MYO3A: variants seen among roughly 807,000 people sequenced by gnomAD.
The protein encoded by MYO3A is myosin-IIIa.
In MYO3A, 180 loss-of-function variants were observed where a neutral mutation model predicts 192.7. The observed-to-expected ratio is 0.93, with a 90% confidence interval of 0.83 to 1.06. MYO3A has a LOEUF of 1.06. Among genes scored for constraint, MYO3A ranks in the 50% least tolerant of loss-of-function variants. MYO3A has a pLI of 0.00. For synonymous variants in MYO3A, 628 were observed against 645.3 expected (o/e 0.97, Z 0.41); for missense variants, 1,896 against 1,905.0 (o/e 1.00, Z 0.09).
intron 10 of MYO3A, among the ~76,000 whole-genome samples, chr10:26,040,660 G>A (rs1033073658): frequency 2.0e-5 from 3 of 151,976 alleles, no homozygotes; most frequent in African/African-American, 7.2e-5. Flanking sequence ...GTATTCTTGG[G>A]GTAAATGGGA....
intron 23 of MYO3A, among the ~76,000 whole-genome samples, chr10:26,151,747 C>T (rs1232690473): frequency 6.6e-6 from 1 of 152,142 alleles, no homozygotes; most frequent in South Asian, 2.1e-4. Context: ...CTTATTTTCC[C>T]AGGCTTTACC....
intron 17 of MYO3A, among the ~76,000 whole-genome samples, chr10:26,107,219 C>T (rs1439260503): frequency 5.3e-5 from 8 of 152,200 alleles, no homozygotes; most frequent in Non-Finnish European, 1.0e-4. Context: ...CAGTGGCTCA[C>T]GCCTGTAATC....
At chr10:26,044,900 C>T (rs1335114693) in intron 10 of MYO3A, among the ~76,000 whole-genome samples, 1 of 152,198 alleles carries the variant, frequency 6.6e-6, no homozygotes, top group Non-Finnish European at 1.5e-5. Context: ...CAAACAGATC[C>T]ATCTATTTGA....
At chr10:26,062,291 T>C (rs35616188) in intron 10 of MYO3A, among the ~76,000 whole-genome samples, 70,972 of 150,624 alleles carry the variant, frequency 0.47, 17,583 homozygotes, top group Middle Eastern at 0.59. Flanking sequence ...GAGGCTGAGG[T>C]GGGCAGATCA....
chr10:26,161,907 TCA>T (rs1841503167), intron 26 of MYO3A, among the ~76,000 whole-genome samples: 3 of 152,174 alleles, frequency 2.0e-5, no homozygotes, highest in African/African-American at 7.2e-5. Context: ...CATTATACAT[TCA>T]GCAAACGTTT....
rs564325448 is a variant in MYO3A at position 26,107,873 on chromosome 10, A to G, written c.1776+11191A>G. 2.6e-4 allele frequency among the ~76,000 whole-genome samples: 40 copies of G among 152,064 alleles called. 1 individual carries two copies. Among genetic ancestry groups the G allele is most frequent in the African/African-American group, 8.9e-4 (37 of 41,534 alleles). On this transcript the variant is annotated intron_variant, in intron 17 of 34. Transcript: ENST00000642920. ...ATTTACCCATCCGATAAATGTTTTC[A>G]TTGTCTGTATTATTGGTTTTAATTT...
At chr10:26,073,470 G>A (rs1280370749) in intron 14 of MYO3A, among the ~76,000 whole-genome samples, 2 of 151,892 alleles carry the variant, frequency 1.3e-5, no homozygotes, top group African/African-American at 4.8e-5. Context: ...TTGGGTGGCT[G>A]AGGCAGGAGA....
chr10:26,165,579 G>A (rs904001426), intron 26 of MYO3A, among the ~76,000 whole-genome samples: 3 of 152,112 alleles, frequency 2.0e-5, no homozygotes, highest in Non-Finnish European at 2.9e-5. Context: ...TGTCCCTCAA[G>A]GAAAAACAAT....
At chr10:25,941,679 A>G (rs1836496952) in intron 2 of MYO3A, among the ~76,000 whole-genome samples, 1 of 152,178 alleles carries the variant, frequency 6.6e-6, no homozygotes, top group Non-Finnish European at 1.5e-5. Context: ...GTACAGTCAC[A>G]TTGTTGCCCA....
chr10:26,029,439 C>T (rs1361007159), intron 10 of MYO3A, among the ~76,000 whole-genome samples: 1 of 152,174 alleles, frequency 6.6e-6, no homozygotes, highest in African/African-American at 2.4e-5. Context: ...TCATGTTTGT[C>T]ACCCATTTAT....
intron 7 of MYO3A, among the ~76,000 whole-genome samples, chr10:26,020,460 A>G (rs553910036): frequency 7.6e-4 from 116 of 152,304 alleles, no homozygotes; most frequent in African/African-American, 2.8e-3. Flanking sequence ...AAATGTGTTA[A>G]GCCTGATGTT....
At chr10:26,163,203 A>C (rs2131974145) in intron 26 of MYO3A, among the ~76,000 whole-genome samples, 1 of 152,356 alleles carries the variant, frequency 6.6e-6, no homozygotes, top group South Asian at 2.1e-4. Flanking sequence ...GCTTTTTGGC[A>C]GGTGTAACCT....
chr10:25,940,434 G>A (rs186113311), intron 2 of MYO3A, among the ~76,000 whole-genome samples: 2 of 152,038 alleles, frequency 1.3e-5, no homozygotes, highest in East Asian at 3.9e-4. Context: ...TATGAGGAAC[G>A]TAGAACATTT....
chr10:25,991,702 GA>G, intron 4 of MYO3A, among the ~76,000 whole-genome samples: 1 of 152,282 alleles, frequency 6.6e-6, no homozygotes, highest in African/African-American at 2.4e-5. Flanking sequence ...AAGGTGTAAG[GA>G]AGGGATCCAG....
chr10:26,073,342 C>T (rs66657341), intron 14 of MYO3A, among the ~76,000 whole-genome samples: 72,184 of 151,870 alleles, frequency 0.48, 17,948 homozygotes, highest in Middle Eastern at 0.59. Context: ...GAGGCCAAGG[C>T]GGGTGGATCA....
At chr10:25,969,550 T>G (rs1838486525) in intron 4 of MYO3A, among the ~76,000 whole-genome samples, 1 of 152,064 alleles carries the variant, frequency 6.6e-6, no homozygotes, top group African/African-American at 2.4e-5. Flanking sequence ...TTGTAAACCC[T>G]AAAGCAACTG....
At chr10:26,063,119 G>C (rs4998840) in intron 10 of MYO3A, among the ~76,000 whole-genome samples, 143 of 151,786 alleles carry the variant, frequency 9.4e-4, no homozygotes, top group African/African-American at 3.4e-3. Flanking sequence ...AATCTTTCAT[G>C]TGTGAGTTCT....
At chr10:26,045,366 T>TTAGATAGATAGATGGATAGATAGATAGA (rs1302019473) in intron 10 of MYO3A, among the ~76,000 whole-genome samples, 1 of 142,600 alleles carries the variant, frequency 7.0e-6, no homozygotes, top group Non-Finnish European at 1.6e-5. Context: ...ATGGGTGGCA[T>TTAGATAGATAGATGGATAGATAGATAGA]TAGATAGATA....
chr10:26,063,187 G>T (rs1834616746), intron 10 of MYO3A, among the ~76,000 whole-genome samples: 1 of 152,204 alleles, frequency 6.6e-6, no homozygotes, highest in South Asian at 2.1e-4. Context: ...GCTGGATCTA[G>T]TAGTCAGTGT....
Sources: gnomAD v4.1 joint callset for allele counts (sites outside exome capture counted in the v4.1 genomes callset) on GRCh38, gnomAD v4.1.1 for gene constraint, MANE v1.5 for transcripts, NCBI Gene and HGNC (gene_info 2026-07-23, HGNC 2026-07-21) for gene names.